The following GABRB2 variants were observed in gnomAD, a reference collection of about 807,000 sequenced individuals.
GABRB2 encodes the protein gamma-aminobutyric acid type A receptor subunit beta2.
A neutral mutation model predicts 54.7 loss-of-function variants in GABRB2; 16 were observed. The ratio of observed to expected loss-of-function variants is 0.29; its 90% CI spans 0.20 to 0.44. The LOEUF (loss-of-function observed/expected upper bound fraction) is 0.44. GABRB2 is among the 20% of genes least tolerant of loss of function. GABRB2 has a pLI of 1.00. For missense variants in GABRB2, 355 were observed against 644.0 expected (o/e 0.55, Z 4.86); for synonymous variants, 244 against 233.8 (o/e 1.04, Z -0.40).
intron 5 of GABRB2, among the ~76,000 whole-genome samples, chr5:161,337,992 T>A (rs1754041084): frequency 6.6e-6 from 1 of 152,206 alleles, no homozygotes; most frequent in Non-Finnish European, 1.5e-5. Context: ...GACATGTGAC[T>A]AGTCAGTGTG....
intron 4 of GABRB2, among the ~76,000 whole-genome samples, chr5:161,415,922 TTTTTGTTTTGTTTTG>T (rs10525407): frequency 6.8e-6 from 1 of 146,004 alleles, no homozygotes; most frequent in African/African-American, 2.6e-5. Context: ...CCCAAGTTTG[TTTTTGTTTTGTTTTG>T]TTTTGTTTTG....
At chr5:161,482,822 T>C (rs926006720) in intron 3 of GABRB2, among the ~76,000 whole-genome samples, 2 of 152,016 alleles carry the variant, frequency 1.3e-5, no homozygotes, top group African/African-American at 4.8e-5. Flanking sequence ...TATAAAAAGT[T>C]GTGAAAACTA....
At chr5:161,544,521 C>A (rs1288484225) in intron 3 of GABRB2, among the ~76,000 whole-genome samples, 1 of 152,146 alleles carries the variant, frequency 6.6e-6, no homozygotes, top group Non-Finnish European at 1.5e-5. Flanking sequence ...CAGGCTTTTT[C>A]CTCTTAACAC....
intron 5 of GABRB2, among the ~76,000 whole-genome samples, chr5:161,364,621 T>C (rs1754921113): frequency 6.6e-6 from 1 of 152,198 alleles, no homozygotes; most frequent in Non-Finnish European, 1.5e-5. Flanking sequence ...TCTGTATACA[T>C]AGGTGTACGC....
intron 5 of GABRB2, among the ~76,000 whole-genome samples, chr5:161,363,714 AG>A (rs1351697564): frequency 3.3e-5 from 5 of 152,062 alleles, no homozygotes; most frequent in Non-Finnish European, 7.4e-5. Flanking sequence ...AAAAACAAAA[AG>A]AAACATTAGG....
intron 4 of GABRB2, among the ~76,000 whole-genome samples, chr5:161,447,034 C>T (rs1757653588): frequency 6.6e-6 from 1 of 152,100 alleles, no homozygotes; most frequent in Non-Finnish European, 1.5e-5. Flanking sequence ...AAGGCTGGTA[C>T]CAGCAGTGAG....
intron 5 of GABRB2, among the ~76,000 whole-genome samples, chr5:161,350,659 C>G (rs1754446896): frequency 6.6e-6 from 1 of 152,048 alleles, no homozygotes; most frequent in South Asian, 2.1e-4. Context: ...ACATTTGAGT[C>G]AGTAGGCTGG....
At chr5:161,398,468 A>T (rs889130706) in intron 5 of GABRB2, among the ~76,000 whole-genome samples, 13 of 152,210 alleles carry the variant, frequency 8.5e-5, no homozygotes, top group African/African-American at 3.1e-4. Context: ...GAAACTATGC[A>T]GTCAGCAACA....
At chr5:161,530,071 T>C (rs2113452031) in intron 3 of GABRB2, among the ~76,000 whole-genome samples, 1 of 152,194 alleles carries the variant, frequency 6.6e-6, no homozygotes, top group Non-Finnish European at 1.5e-5. Flanking sequence ...TGTATCTCCT[T>C]AAAGTCCAAC....
intron 4 of GABRB2, among the ~76,000 whole-genome samples, chr5:161,416,670 C>T (rs1383289468): frequency 2.0e-5 from 2 of 98,682 alleles, no homozygotes; most frequent in Non-Finnish European, 4.3e-5. Context: ...GCACTCCAGC[C>T]TGGGCGGCAG....
intron 3 of GABRB2, among the ~76,000 whole-genome samples, chr5:161,501,667 T>C (rs1759449862): frequency 6.6e-6 from 1 of 152,090 alleles, no homozygotes; most frequent in African/African-American, 2.4e-5. Flanking sequence ...AACCCGATTA[T>C]CTTTTAGGTG....
intron 3 of GABRB2, among the ~76,000 whole-genome samples, chr5:161,529,012 T>C (rs1351865420): frequency 1.3e-5 from 2 of 151,672 alleles, no homozygotes; most frequent in African/African-American, 4.9e-5. Context: ...AAAAGTCTCT[T>C]ATAAAATTTA....
chr5:161,491,722 T>C (rs946602353), intron 3 of GABRB2, among the ~76,000 whole-genome samples: 37 of 151,642 alleles, frequency 2.4e-4, no homozygotes, highest in Non-Finnish European at 1.5e-5. Flanking sequence ...GCCTAGAAAA[T>C]TCTCAGCTTG....
chr5:161,353,377 C>T (rs757838998), intron 5 of GABRB2, among the ~76,000 whole-genome samples: 147 of 152,160 alleles, frequency 9.7e-4, no homozygotes, highest in Non-Finnish European at 8.1e-4. Context: ...TGACCACTAC[C>T]TTTCCAAACT....
intron 5 of GABRB2, among the ~76,000 whole-genome samples, chr5:161,410,422 A>T (rs936985574): frequency 1.3e-5 from 2 of 150,828 alleles, no homozygotes; most frequent in African/African-American, 4.9e-5. Context: ...ACACACACAC[A>T]CTCACAATCT....
At chr5:161,322,533 G>A (rs1223167880) in intron 9 of GABRB2, among the ~76,000 whole-genome samples, 3 of 152,160 alleles carry the variant, frequency 2.0e-5, no homozygotes. Flanking sequence ...ACTGTGCCCG[G>A]AGAAGAAGTG....
intron 3 of GABRB2, among the ~76,000 whole-genome samples, chr5:161,472,182 C>A (rs1418008610): frequency 6.6e-6 from 1 of 151,754 alleles, no homozygotes; most frequent in Non-Finnish European, 1.5e-5. Flanking sequence ...TTATTAATCT[C>A]ATTATTTCCA....
At chr5:161,350,119 A>G (rs143144343) in intron 5 of GABRB2, among the ~76,000 whole-genome samples, 163 of 152,248 alleles carry the variant, frequency 1.1e-3, no homozygotes, top group Non-Finnish European at 1.3e-3. Context: ...TAATGGAGAA[A>G]AGTTTAAAGC....
intron 4 of GABRB2, among the ~76,000 whole-genome samples, chr5:161,451,378 T>C (rs969869423): frequency 2.6e-5 from 4 of 152,164 alleles, no homozygotes; most frequent in Non-Finnish European, 5.9e-5. Flanking sequence ...CAATTGTTTT[T>C]AGATGGGTCA....
Sources: gnomAD v4.1 joint callset for allele counts (sites outside exome capture counted in the v4.1 genomes callset) on GRCh38, gnomAD v4.1.1 for gene constraint, MANE v1.5 for transcripts, NCBI Gene and HGNC (gene_info 2026-07-23, HGNC 2026-07-21) for gene names.